MCF2L: variants seen among roughly 807,000 people sequenced by gnomAD.
The protein encoded by MCF2L is MCF.2 cell line derived transforming sequence like.
MCF2L carries 97 observed loss-of-function variants against 153.4 expected under a neutral mutation model. That is an observed-to-expected ratio of 0.63 (90% CI 0.54 to 0.75). The LOEUF (loss-of-function observed/expected upper bound fraction) is 0.75. Among genes scored for constraint, MCF2L ranks in the 30% least tolerant of loss-of-function variants. MCF2L has a pLI of 0.00. For synonymous variants in MCF2L, 659 were observed against 632.2 expected, an observed-to-expected ratio of 1.04 and a Z score of -0.64; for missense variants, 1,347 against 1,495.2, an observed-to-expected ratio of 0.90 and a Z score of 1.64.
rs2085123431 is a variant in MCF2L, at chr13:113,024,819, A to C, written c.278+61A>C. 1.2e-4 allele frequency: 162 copies of C among 1,335,422 alleles called. 4 individuals carry two copies. The South Asian group carries it at 1.9e-3, about 16-fold the overall frequency. 82.7% of individuals were successfully genotyped at this position (1,335,422 alleles called of 1,614,324 possible). ...TGGGGCAGAGTCCCTGTGAGATTTC[A>C]CCAGGGTGGGGTCCCTGCAACTATG... is the stretch of plus-strand genomic sequence containing the variant. On this transcript the variant is annotated intron_variant, in intron 3 of 29. Coordinates refer to ENST00000535094, the MANE Select transcript of MCF2L (RefSeq NM_001112732.3).
At chr13:113,072,837 T>G (rs78387652) in intron 9 of MCF2L, among the ~76,000 whole-genome samples, 1,847 of 152,308 alleles carry the variant, frequency 0.012, 38 homozygotes, top group African/African-American at 0.042. Flanking sequence ...GTTCTCAGTT[T>G]CATTGATTTC....
At position 113,031,777 on chromosome 13, in the gene MCF2L, C is replaced by T. The variant is rs1198705617; in HGVS notation, c.278+7019C>T. ...GGGAGGTAGGGACTCCATCTACCAG[C>T]CAGCTTGCCGGGACAGGGGTCACAT... is the stretch of plus-strand genomic sequence containing the variant. On this transcript the variant is annotated intron_variant, in intron 3 of 29. Coordinates refer to ENST00000535094, the MANE Select transcript of MCF2L (RefSeq NM_001112732.3). This position sits in a 1 kb window ranked among gnomAD's most constrained non-coding sequence, Gnocchi z 5.5. 6.6e-6 allele frequency among the ~76,000 whole-genome samples: 1 copy of T among 152,040 alleles called. No individual in the cohort carries two copies. The highest frequency in any genetic ancestry group is 1.5e-5 in the Non-Finnish European group (1 of 68,010).
intron 2 of MCF2L, chr13:112,909,124 C>A: frequency 2.7e-6 from 2 of 731,622 alleles, no homozygotes; most frequent in South Asian, 3.0e-5. Flanking sequence ...AAGAAATTCT[C>A]TCCCTCCTGC....
At chr13:113,084,149 A>G in intron 18 of MCF2L, 82 bp downstream of exon 18, 3 of 1,139,170 alleles carry the variant, frequency 2.6e-6, no homozygotes, top group East Asian at 2.3e-5. Context: ...GCAAGTTCCT[A>G]TTCTAACCAA....
chr13:113,078,767 AG>A (rs1566857285), intron 15 of MCF2L, 28 bp downstream of exon 15: 1 of 1,574,810 alleles, frequency 6.3e-7, no homozygotes, highest in Non-Finnish European at 8.6e-7. Flanking sequence ...CTGTCCTCAC[AG>A]GGGCCCTCCG....
intron 17 of MCF2L, among the ~76,000 whole-genome samples, chr13:113,083,121 T>G (rs911896557): frequency 6.6e-6 from 1 of 152,108 alleles, no homozygotes; most frequent in Admixed American, 6.5e-5. Flanking sequence ...TTAACACAGT[T>G]TTGGGGAGCT....
rs1594362052 is a variant in MCF2L at position 112,943,024 on chromosome 13, C to T, written c.169+40653C>T. Reference sequence around the variant, plus strand: ...AAGATAATGGGGACATTTTGGAATGCCATTTGGAAGAAATGGAAATGCAGA... The same window carrying T: ...AAGATAATGGGGACATTTTGGAATGTCATTTGGAAGAAATGGAAATGCAGA... On this transcript the variant is annotated intron_variant, in intron 2 of 29. Transcript: ENST00000375608. The surrounding 1 kb of genome is among the most constrained non-coding windows in gnomAD (Gnocchi z 4.2). Among the ~76,000 whole-genome samples, 1 of 152,186 alleles carries T rather than the reference C, an allele frequency of 6.6e-6. No homozygotes were observed. Among genetic ancestry groups the T allele is most frequent in the Non-Finnish European group, 1.5e-5 (1 of 68,040 alleles).
chr13:112,927,092 C>T (rs2081415436), intron 2 of MCF2L, among the ~76,000 whole-genome samples: 1 of 152,298 alleles, frequency 6.6e-6, no homozygotes, highest in South Asian at 2.1e-4. Context: ...TGGCATACTG[C>T]CTCTTGCTAA....
intron 4 of MCF2L, among the ~76,000 whole-genome samples, chr13:113,048,123 G>A (rs1195688293): frequency 2.0e-5 from 3 of 152,240 alleles, no homozygotes; most frequent in African/African-American, 7.2e-5. Context: ...CAGCAGACCC[G>A]TGATTTAGGT....
chr13:113,014,906 G>A (rs962716799), intron 2 of MCF2L, 60 bp downstream of exon 2: 48 of 1,516,674 alleles, frequency 3.2e-5, no homozygotes, highest in South Asian at 9.0e-5. Flanking sequence ...GGTGTGGGCC[G>A]AGCAGCCCCC....
Position 113,064,015 on chromosome 13 carries a change from G to A in MCF2L, c.490-289G>A, listed in dbSNP as rs1266595532. On this transcript the variant is annotated intron_variant, in intron 5 of 29. Transcript: ENST00000535094. This position sits in a 1 kb window ranked among gnomAD's most constrained non-coding sequence, Gnocchi z 6.0. ...TCTGTGGTCACAAAGCCTATGGCTA[G>A]TGTGCAGTGCCTGCCAAATAGCAGG... The A allele has an allele frequency of 2.3e-6, 1 of 440,766 alleles. No homozygotes were observed. Among genetic ancestry groups the A allele is most frequent in the Non-Finnish European group, 4.3e-6 (1 of 231,748 alleles). The allele number at this position is 440,766 out of a possible 1,614,324, so 27.3% of individuals were successfully genotyped here. A position where few individuals can be genotyped will look rare whatever the true frequency, so the allele number is the denominator to read the frequency against.
At chr13:112,902,226 C>T (rs2081126146) in exon 2 of MCF2L, 1 of 1,612,664 alleles carries the variant, frequency 6.2e-7, no homozygotes. Context: ...GGAGATTTAT[C>T]CTGTGCAAGA....
chr13:112,957,183 C>T (rs1048714025), intron 2 of MCF2L: 3 of 152,192 alleles, frequency 2.0e-5, no homozygotes, highest in African/African-American at 4.8e-5. Flanking sequence ...CCCCTACCGG[C>T]CCCTGCTGCT....
chr13:113,064,736 C>G lies in MCF2L; in HGVS notation c.607-200C>G. 1 of 618,580 alleles carries G rather than the reference C, an allele frequency of 1.6e-6. No individual in the cohort carries two copies. The highest frequency in any genetic ancestry group is 2.8e-6 in the Non-Finnish European group (1 of 356,616). 38.3% of individuals were successfully genotyped at this position (618,580 alleles called of 1,614,324 possible). ...CACAGGCGACTCTAGGTGACGGGCA[C>G]ACGTGTAGAGTGTGCCTGGTATGTT... On this transcript the variant is annotated intron_variant, in intron 6 of 29. Transcript: ENST00000535094. This position sits in a 1 kb window ranked among gnomAD's most constrained non-coding sequence, Gnocchi z 6.0.
chr13:113,027,872 G>T lies in MCF2L; in HGVS notation c.278+3114G>T, dbSNP rs553658258. ...CGTACCCCGAGGACGTAGGCTCCAG[G>T]TGTGCTGTGGCCAGAGGGGTGTCCT... On this transcript the variant is annotated intron_variant, in intron 3 of 29. Transcript: ENST00000535094. This position sits in a 1 kb window ranked among gnomAD's most constrained non-coding sequence, Gnocchi z 4.8. Among the ~76,000 whole-genome samples the T allele has an allele frequency of 6.6e-6, 1 of 152,328 alleles. No homozygotes were observed. The highest frequency in any genetic ancestry group is 2.1e-4 in the South Asian group (1 of 4,830).
intron 1 of MCF2L, among the ~76,000 whole-genome samples, chr13:112,984,320 T>C (rs1363068356): frequency 6.6e-6 from 1 of 152,066 alleles, no homozygotes; most frequent in East Asian, 1.9e-4. Context: ...ACTGCAACCC[T>C]GCCTCCTGGG....
chr13:112,987,811 C>T (rs909598030), intron 1 of MCF2L, among the ~76,000 whole-genome samples: 2 of 152,228 alleles, frequency 1.3e-5, no homozygotes, highest in Non-Finnish European at 2.9e-5. Context: ...TGAGCACCAT[C>T]GCTGTGGGCG....
At chr13:112,997,140 C>T (rs563376923) in intron 1 of MCF2L, among the ~76,000 whole-genome samples, 59 of 152,362 alleles carry the variant, frequency 3.9e-4, no homozygotes, top group South Asian at 1.0e-3. Context: ...GAGCAACTTC[C>T]CAGCTCAGTG....
intron 1 of MCF2L, among the ~76,000 whole-genome samples, chr13:112,982,227 G>A (rs529810610): frequency 4.6e-5 from 7 of 152,328 alleles, no homozygotes; most frequent in Admixed American, 1.3e-4. Context: ...AATGGAGGCC[G>A]TGCCCACCTC....
Sources: allele counts gnomAD v4.1 joint callset (sites outside exome capture counted in the v4.1 genomes callset), GRCh38; gene constraint gnomAD v4.1.1; non-coding constraint Gnocchi (gnomAD v3.1); transcripts MANE v1.5; gene names NCBI Gene and HGNC (gene_info 2026-07-23, HGNC 2026-07-21).